Variants in AUTS2 observed in about 807,000 individuals in gnomAD.
AUTS2 encodes the protein activator of transcription and developmental regulator AUTS2.
AUTS2 carries 17 observed loss-of-function variants against 112.4 expected under a neutral mutation model. The observed-to-expected ratio is 0.15, with a 90% CI of 0.10 to 0.23. The LOEUF (loss-of-function observed/expected upper bound fraction) is 0.23, where lower values mean the gene tolerates loss of function less well. Among genes scored for constraint, AUTS2 ranks in the 10% least tolerant of loss-of-function variants. AUTS2 has a pLI of 1.00. For missense variants in AUTS2, 1,510 were observed against 1,701.6 expected, an observed-to-expected ratio of 0.89 and a Z score of 1.98; for synonymous variants, 751 against 702.7, an observed-to-expected ratio of 1.07 and a Z score of -1.09.
intron 6 of AUTS2, among the ~76,000 whole-genome samples, chr7:70,721,793 C>G (rs1786696050): frequency 6.6e-6 from 1 of 152,174 alleles, no homozygotes; most frequent in African/African-American, 2.4e-5. Flanking sequence ...TACCCTTCAC[C>G]TAGATCCACT....
chr7:69,992,814 G>T (rs1377436323), intron 2 of AUTS2, among the ~76,000 whole-genome samples: 1 of 152,150 alleles, frequency 6.6e-6, no homozygotes, highest in African/African-American at 2.4e-5. Flanking sequence ...GAGCCCAGGA[G>T]TTGAAGGCTG....
At chr7:70,660,388 G>T (rs1360750412) in intron 5 of AUTS2, among the ~76,000 whole-genome samples, 1 of 152,170 alleles carries the variant, frequency 6.6e-6, no homozygotes, top group Non-Finnish European at 1.5e-5. Flanking sequence ...GTCGCCATCT[G>T]TGTGATGAAT....
intron 1 of AUTS2, among the ~76,000 whole-genome samples, chr7:69,699,315 T>C (rs186943246): frequency 6.6e-6 from 1 of 152,310 alleles, no homozygotes; most frequent in African/African-American, 2.4e-5. Flanking sequence ...CTTCAGGCTT[T>C]TATAACTACT....
rs561222148 is a variant in AUTS2, at chr7:69,786,240, C to T, written c.310-113046C>T. Among the ~76,000 whole-genome samples, 15 of 152,338 alleles carry T rather than the reference C, an allele frequency of 9.8e-5. No individual in the cohort carries two copies. In the East Asian group the frequency reaches 2.5e-3, roughly 25 times the overall value. On this transcript the variant is annotated intron_variant, in intron 1 of 18. Transcript: ENST00000342771. Reference sequence around the variant, plus strand: ...GCAGCAATCAGCACTCTGTGTCTAGCTAAAGGATTGTAAATGCACCAATCA... The same window carrying T: ...GCAGCAATCAGCACTCTGTGTCTAGTTAAAGGATTGTAAATGCACCAATCA...
intron 5 of AUTS2, among the ~76,000 whole-genome samples, chr7:70,567,887 G>GT (rs1333210722): frequency 6.6e-6 from 1 of 152,218 alleles, no homozygotes; most frequent in Non-Finnish European, 1.5e-5. Flanking sequence ...GCAAATGCCA[G>GT]TGAGGGTATA....
At chr7:69,859,291 A>G (rs553515979) in intron 1 of AUTS2, among the ~76,000 whole-genome samples, 1 of 152,352 alleles carries the variant, frequency 6.6e-6, no homozygotes, top group East Asian at 1.9e-4. Flanking sequence ...TTAGAGGTGA[A>G]TAGATGGTAT....
chr7:70,596,731 C>G (rs1159113642), intron 5 of AUTS2: 1 of 152,240 alleles, frequency 6.6e-6, no homozygotes, highest in Non-Finnish European at 1.5e-5. Context: ...CCCTGGGGCA[C>G]ACCAGCCTTT....
chr7:70,268,691 A>G (rs1352349714), intron 4 of AUTS2, among the ~76,000 whole-genome samples: 3 of 152,352 alleles, frequency 2.0e-5, no homozygotes, highest in African/African-American at 7.2e-5. Flanking sequence ...AAATCCTTAG[A>G]GAAAAGTTAT....
intron 5 of AUTS2, among the ~76,000 whole-genome samples, chr7:70,484,941 T>A (rs1797927123): frequency 6.6e-6 from 1 of 152,196 alleles, no homozygotes; most frequent in South Asian, 2.1e-4. Flanking sequence ...AATACCACCT[T>A]ACTCCTGCAA....
At chr7:70,137,423 C>A (rs1584777068) in intron 4 of AUTS2, among the ~76,000 whole-genome samples, 1 of 149,090 alleles carries the variant, frequency 6.7e-6, no homozygotes, top group Non-Finnish European at 1.5e-5. Flanking sequence ...TCTTTTTTGG[C>A]AAGAGGACTA....
intron 4 of AUTS2, among the ~76,000 whole-genome samples, chr7:70,430,199 T>G (rs1009977696): frequency 6.6e-6 from 1 of 152,112 alleles, no homozygotes; most frequent in Non-Finnish European, 1.5e-5. Flanking sequence ...ATAAGGCTCT[T>G]CACTTACGCA....
intron 4 of AUTS2, among the ~76,000 whole-genome samples, chr7:70,247,855 A>G (rs1813007353): frequency 6.6e-6 from 1 of 152,128 alleles, no homozygotes; most frequent in South Asian, 2.1e-4. Flanking sequence ...CCCATTAAAT[A>G]TGGTATTTTG....
chr7:69,928,256 G>A (rs1796098337), intron 2 of AUTS2, among the ~76,000 whole-genome samples: 1 of 152,152 alleles, frequency 6.6e-6, no homozygotes, highest in Non-Finnish European at 1.5e-5. Flanking sequence ...CCTGGAAAAA[G>A]CACCATTCTA....
intron 4 of AUTS2, among the ~76,000 whole-genome samples, chr7:70,147,297 C>T (rs536809135): frequency 2.0e-5 from 3 of 151,220 alleles, no homozygotes; most frequent in East Asian, 1.9e-4. Flanking sequence ...TTAATAATGA[C>T]GGAAGTAGGC....
At chr7:69,927,204 A>G (rs1352966099) in intron 2 of AUTS2, among the ~76,000 whole-genome samples, 2 of 147,720 alleles carry the variant, frequency 1.4e-5, no homozygotes, top group Non-Finnish European at 3.0e-5. Context: ...ATATATATAT[A>G]TACATACTAT....
At chr7:70,316,399 A>ATTTTTT (rs398005114) in intron 4 of AUTS2, among the ~76,000 whole-genome samples, 1 of 92,744 alleles carries the variant, frequency 1.1e-5, no homozygotes, top group African/African-American at 4.3e-5. Context: ...CCAGGTCTCT[A>ATTTTTT]TTTTTTTTTT....
At chr7:70,517,619 A>G (rs918640079) in intron 5 of AUTS2, among the ~76,000 whole-genome samples, 1 of 148,988 alleles carries the variant, frequency 6.7e-6, no homozygotes, top group African/African-American at 2.4e-5. Context: ...AATATATATA[A>G]TGTATTATTA....
chr7:70,707,207 T>C (rs531887373), intron 6 of AUTS2, among the ~76,000 whole-genome samples: 1 of 152,352 alleles, frequency 6.6e-6, no homozygotes, highest in South Asian at 2.1e-4. Flanking sequence ...GAAAAGAATT[T>C]AGAAATAGCA....
intron 5 of AUTS2, among the ~76,000 whole-genome samples, chr7:70,677,003 C>T (rs1017795389): frequency 1.3e-5 from 2 of 152,170 alleles, no homozygotes; most frequent in African/African-American, 2.4e-5. Context: ...TAATATGTAA[C>T]CTAGCTTCAA....
Sources: allele counts gnomAD v4.1 joint callset (sites outside exome capture counted in the v4.1 genomes callset), GRCh38; gene constraint gnomAD v4.1.1; transcripts MANE v1.5; gene names NCBI Gene and HGNC (gene_info 2026-07-23, HGNC 2026-07-21).